Variants in DTL observed in about 807,000 individuals in gnomAD.
DTL encodes the protein denticleless E3 ubiquitin protein ligase adapter, also known as denticleless protein homolog.
In DTL, 46 loss-of-function variants were observed where a neutral mutation model predicts 87.0. That is an observed-to-expected ratio of 0.53 (90% CI 0.42 to 0.68). DTL has a LOEUF of 0.68. Among genes scored for constraint, DTL ranks in the 30% least tolerant of loss-of-function variants. The pLI is 0.00. For missense variants in DTL, 737 were observed against 869.4 expected (o/e 0.85, Z 1.91); for synonymous variants, 308 against 311.2 (o/e 0.99, Z 0.11).
rs760448546 is a variant in DTL, at chr1:212,101,082, C to G, written c.2092C>G (p.Pro698Ala). 6 of 1,598,208 alleles carry G rather than the reference C, an allele frequency of 3.8e-6. No homozygotes were observed. Residue 698 changes from proline to alanine, a missense_variant and splice_region_variant, in exon 14 of 15, where the codon CCG (proline) becomes GCG (alanine). By Grantham distance (27) the Pro-to-Ala change is conservative. Transcript: ENST00000366991. The part of the protein sequence containing the change: ...RRQSGKKLPS[P>A]VTITPSSMRK... ...ACAGAGCGGAAAGAAATTGCCAAGC[C>G]CGGTAAGTCAGCAGTGGTGGGAAGA...
Position 212,057,563 on chromosome 1 carries a change from A to G in DTL, c.461-5321A>G, listed in dbSNP as rs1051756163. On this transcript the variant is annotated intron_variant, in intron 5 of 14. Transcript: ENST00000366991. ...TACTGTCATGAAAACACAAGAAAATATAAAAACTACTGGTAAGCAAACACA... is the reference window on the plus strand; with the variant it reads ...TACTGTCATGAAAACACAAGAAAATGTAAAAACTACTGGTAAGCAAACACA... Among the ~76,000 whole-genome samples the G allele has an allele frequency of 5.3e-5, 8 of 152,152 alleles. No individual in the cohort carries two copies. The East Asian group carries it at 1.2e-3, about 22-fold the overall frequency.
chr1:212,061,498 C>CAAA (rs150226369), intron 5 of DTL, among the ~76,000 whole-genome samples: 35 of 143,998 alleles, frequency 2.4e-4, no homozygotes, highest in Admixed American at 4.1e-4. Flanking sequence ...TAAGATTTCT[C>CAAA]AAAAAAAAAA....
Position 212,072,173 on chromosome 1 carries a change from T to C in DTL, c.995T>C (p.Leu332Ser). Residue 332 changes from leucine (L) to serine (S), a missense_variant, in exon 11 of 15, where the codon TTA becomes TCA. Physicochemically the swap from Leu to Ser is moderately radical, Grantham distance 145. Coordinates refer to ENST00000366991, the MANE Select transcript of DTL (RefSeq NM_016448.4). ...AGCCTTAGTCCAGATGACCAGTTTTTAGTCAGTGGCTCAAGTGATGAAGCT... is the reference window on the plus strand; with the variant it reads ...AGCCTTAGTCCAGATGACCAGTTTTCAGTCAGTGGCTCAAGTGATGAAGCT... ...KSSLSPDDQF[L>S]VSGSSDEAAY... The C allele has an allele frequency of 6.2e-7, 1 of 1,614,084 alleles. No homozygotes were observed. The highest frequency in any genetic ancestry group is 8.5e-7 in the Non-Finnish European group (1 of 1,179,958).
At position 212,078,155 on chromosome 1, in the gene DTL, T is replaced by C; in HGVS notation, c.1036-18T>C. On this transcript the variant is annotated intron_variant, in intron 11 of 14. Coordinates refer to ENST00000366991, the MANE Select transcript of DTL (RefSeq NM_016448.4). ...TCTAATATTGCTTTGCTGACTTGTT[T>C]GTTTTTGATTGGACTAGGTCTCCAC... 4.0e-6 allele frequency: 6 copies of C among 1,492,246 alleles called. No homozygotes were observed. The highest frequency in any genetic ancestry group is 5.6e-6 in the Non-Finnish European group (6 of 1,072,130). The allele number at this position is 1,492,246 out of a possible 1,614,324, so 92.4% of individuals were successfully genotyped here.
chr1:212,044,901 A>G (rs2102528266), intron 3 of DTL, 143 bp downstream of exon 3: 1 of 588,914 alleles, frequency 1.7e-6, no homozygotes, highest in Non-Finnish European at 3.0e-6. Flanking sequence ...TTATATAGAA[A>G]AAGTTTACTT....
rs1198619515 is a variant in DTL, at chr1:212,104,234, A to T, written c.*1294A>T. 1 of 16,942 alleles carries T rather than the reference A, an allele frequency of 5.9e-5. No homozygotes were observed. The highest frequency in any genetic ancestry group is 1.7e-4 in the Non-Finnish European group (1 of 5,796). 1.0% of individuals were successfully genotyped at this position (16,942 alleles called of 1,614,324 possible). A position where few individuals can be genotyped will look rare whatever the true frequency, so the allele number is the denominator to read the frequency against. ...TCATGAAACTTCATTTGTTTTATCC[A>T]TATCCCTGAGGACTGTGTAGACTTT... On this transcript the variant is annotated 3_prime_UTR_variant, in exon 15 of 15. Coordinates refer to ENST00000366991, the MANE Select transcript of DTL (RefSeq NM_016448.4).
chr1:212,082,782 GTC>G (rs1655023737), intron 13 of DTL, among the ~76,000 whole-genome samples: 2 of 152,142 alleles, frequency 1.3e-5, no homozygotes, highest in South Asian at 4.1e-4. Flanking sequence ...AGATAAGAAA[GTC>G]TGAAATTGTC....
intron 1 of DTL, among the ~76,000 whole-genome samples, chr1:212,036,913 A>G (rs1306210106): frequency 6.6e-6 from 1 of 152,238 alleles, no homozygotes; most frequent in Non-Finnish European, 1.5e-5. Context: ...GTCTAGGAAA[A>G]TAATATTGAG....
chr1:212,072,275 G>A, intron 11 of DTL, 62 bp downstream of exon 11: 3 of 1,278,700 alleles, frequency 2.3e-6, no homozygotes, highest in East Asian at 2.3e-5. Flanking sequence ...TATTTGTTCT[G>A]TCCAATATGA....
At chr1:212,094,152 G>A (rs1655373417) in intron 13 of DTL, among the ~76,000 whole-genome samples, 1 of 152,064 alleles carries the variant, frequency 6.6e-6, no homozygotes, top group African/African-American at 2.4e-5. Context: ...TTGCTTTTGG[G>A]TTCTTTGTCA....
intron 10 of DTL, among the ~76,000 whole-genome samples, chr1:212,069,962 T>G (rs1050538810): frequency 6.6e-6 from 1 of 152,206 alleles, no homozygotes; most frequent in Non-Finnish European, 1.5e-5. Context: ...TACTTTGCAC[T>G]GGGTCTAGTT....
At chr1:212,047,077 A>C in intron 3 of DTL, 74 bp from the exon 4 acceptor site, 3 of 1,375,210 alleles carry the variant, frequency 2.2e-6, no homozygotes, top group Non-Finnish European at 3.1e-6. Flanking sequence ...CTTTCCAGGC[A>C]TTTAAAGTTA....
intron 6 of DTL, among the ~76,000 whole-genome samples, 166 bp downstream of exon 6, chr1:212,063,115 G>GTT (rs1319735150): frequency 6.6e-6 from 1 of 152,092 alleles, no homozygotes; most frequent in Admixed American, 6.5e-5. Context: ...AGTGTCCTGA[G>GTT]TGATAAATAC....
At chr1:212,085,184 G>T (rs1362009158) in intron 13 of DTL, among the ~76,000 whole-genome samples, 3 of 152,136 alleles carry the variant, frequency 2.0e-5, no homozygotes, top group Non-Finnish European at 4.4e-5. Flanking sequence ...CCAGTATACA[G>T]AACTCAAGAT....
intron 11 of DTL, among the ~76,000 whole-genome samples, chr1:212,074,131 A>G (rs1246164061): frequency 1.3e-5 from 2 of 151,864 alleles, no homozygotes; most frequent in African/African-American, 4.8e-5. Context: ...CATTCTTGTT[A>G]AATTATTAAG....
intron 13 of DTL, among the ~76,000 whole-genome samples, chr1:212,085,896 C>T (rs373531206): frequency 2.0e-5 from 3 of 152,168 alleles, no homozygotes; most frequent in African/African-American, 4.8e-5. Flanking sequence ...CCCATTGAAT[C>T]GTCATGGCAC....
intron 13 of DTL, among the ~76,000 whole-genome samples, chr1:212,085,658 ATC>A (rs67701405): frequency 0.07 from 10,587 of 152,158 alleles, 465 homozygotes; most frequent in Admixed American, 0.14. Context: ...AGTTCAGTTT[ATC>A]TGTTTTTTCC....
At chr1:212,083,897 C>A (rs1392857819) in intron 13 of DTL, among the ~76,000 whole-genome samples, 2 of 152,154 alleles carry the variant, frequency 1.3e-5, no homozygotes, top group Non-Finnish European at 2.9e-5. Context: ...GGCCAACAAT[C>A]ATATTTCCCT....
intron 13 of DTL, among the ~76,000 whole-genome samples, chr1:212,082,526 A>G (rs1330708767): frequency 6.6e-6 from 1 of 152,186 alleles, no homozygotes; most frequent in African/African-American, 2.4e-5. Context: ...AGGGGATACT[A>G]TCTGATACAC....
Sources: gnomAD v4.1 joint callset for allele counts (sites outside exome capture counted in the v4.1 genomes callset) on GRCh38, gnomAD v4.1.1 for gene constraint, MANE v1.5 for transcripts, NCBI Gene and HGNC (gene_info 2026-07-23, HGNC 2026-07-21) for gene names.